Variants in GAK observed in about 807,000 individuals in gnomAD.
The protein encoded by GAK is cyclin G associated kinase, also known as cyclin-G-associated kinase.
GAK carries 79 observed loss-of-function variants against 143.9 expected under a neutral mutation model. That is an observed-to-expected ratio of 0.55 (90% confidence interval 0.46 to 0.66). GAK has a LOEUF of 0.66. GAK is among the 30% of genes least tolerant of loss of function. The probability of loss-of-function intolerance (pLI) is 0.00; values close to 1 mark genes in which losing one functional copy is unlikely to be tolerated. For synonymous variants in GAK, 881 were observed against 765.5 expected, an observed-to-expected ratio of 1.15 and a Z score of -2.49; for missense variants, 1,693 against 1,779.7, an observed-to-expected ratio of 0.95 and a Z score of 0.88.
intron 3 of GAK, chr4:912,489 A>C: frequency 2.2e-6 from 1 of 449,256 alleles, no homozygotes; most frequent in Non-Finnish European, 4.1e-6. Flanking sequence ...CCTCTTGGGT[A>C]GGAACAACTT....
At chr4:931,126 C>T (rs1013222292) in intron 1 of GAK, among the ~76,000 whole-genome samples, 9 of 152,228 alleles carry the variant, frequency 5.9e-5, no homozygotes, top group African/African-American at 1.7e-4. Context: ...AAGGAAAATC[C>T]ACAAGAGAGA....
intron 4 of GAK, among the ~76,000 whole-genome samples, chr4:909,626 A>T (rs1308588459): frequency 1.3e-5 from 2 of 151,196 alleles, no homozygotes; most frequent in Non-Finnish European, 3.0e-5. Flanking sequence ...CACAAACACC[A>T]GTGGCCATCA....
rs1719139679 is a variant in GAK at position 898,027 on chromosome 4, G to A, written c.651+6C>T. On this transcript the variant is annotated splice_donor_region_variant and intron_variant, in intron 6 of 27. Transcript: ENST00000314167. Reference sequence around the variant, plus strand: ...CTTCCCCCAGCATAGGCCCCACTCAGCTCACCTCTTCCTCCACCAGGGCTC... The same window carrying A: ...CTTCCCCCAGCATAGGCCCCACTCAACTCACCTCTTCCTCCACCAGGGCTC... The A allele has an allele frequency of 1.1e-5, 18 of 1,611,340 alleles. No homozygotes were observed. The East Asian group carries it at 1.3e-4, about 12-fold the overall frequency.
At chr4:883,290 C>A in intron 13 of GAK, 25 bp downstream of exon 13, 1 of 1,610,760 alleles carries the variant, frequency 6.2e-7, no homozygotes, top group South Asian at 1.1e-5. Flanking sequence ...AGAGTGGCAC[C>A]AAGACAAAGC....
intron 1 of GAK, among the ~76,000 whole-genome samples, chr4:919,300 G>A (rs1007301885): frequency 6.8e-6 from 1 of 147,166 alleles, no homozygotes; most frequent in African/African-American, 2.5e-5. Context: ...TAGAAAGACA[G>A]AAGGCTCCAA....
intron 15 of GAK, 32 bp from the exon 16 acceptor site, chr4:877,841 C>G: frequency 1.9e-6 from 3 of 1,538,880 alleles, no homozygotes; most frequent in Non-Finnish European, 2.6e-6. Flanking sequence ...CACCACGTGA[C>G]GTGCCCTGAG....
At position 870,001 on chromosome 4, in the gene GAK, C is replaced by T. The variant is rs374437501; in HGVS notation, c.2248+710G>A. On this transcript the variant is annotated intron_variant, in intron 19 of 27. Coordinates refer to ENST00000314167, the MANE Select transcript of GAK (RefSeq NM_005255.4). ...AGCACATACCGATGCATGGTACACA[C>T]GAACGCACACACAGCACACACAGAT... 3.2e-3 allele frequency: 482 copies of T among 149,732 alleles called. 12 individuals carry two copies. The South Asian group carries it at 0.063, about 19-fold the overall frequency. 9.3% of individuals were successfully genotyped at this position (149,732 alleles called of 1,614,324 possible).
chr4:920,539 A>ATTTTTT (rs34176109), intron 1 of GAK, among the ~76,000 whole-genome samples: 16 of 129,588 alleles, frequency 1.2e-4, no homozygotes, highest in South Asian at 7.4e-4. Context: ...GTTTAGAGCC[A>ATTTTTT]TTTTTTTTTT....
rs1750959581 is a variant in GAK, at chr4:865,235, G to A, written c.3053C>T (p.Pro1018Leu). The A allele has an allele frequency of 6.2e-7, 1 of 1,613,320 alleles. No individual in the cohort carries two copies. The highest frequency in any genetic ancestry group is 1.3e-5 in the African/African-American group (1 of 74,902). The change falls in exon 23 of 28, where the codon CCA (proline) becomes CTA (leucine). Residue 1018 changes from proline (P) to leucine (L), a missense_variant. Physicochemically the swap from Pro to Leu is moderately conservative, Grantham distance 98. Transcript: ENST00000314167. ...GGCTGTCATCTTGCTGGGCTCTCCT[G>A]GCAGATCCCCTGGGAAGAAGGAACC... ...SADFLHLGDL[P>L]GEPSKMTASS...
intron 24 of GAK, among the ~76,000 whole-genome samples, chr4:858,419 G>A (rs1184128105): frequency 6.6e-6 from 1 of 152,090 alleles, no homozygotes; most frequent in African/African-American, 2.4e-5. Flanking sequence ...GGATCCCTGG[G>A]AGTCCACTCC....
intron 20 of GAK, among the ~76,000 whole-genome samples, chr4:868,052 C>T (rs1751531166): frequency 6.6e-6 from 1 of 152,214 alleles, no homozygotes; most frequent in East Asian, 1.9e-4. Flanking sequence ...GGTGCTGGGA[C>T]AGGAAGTGGC....
chr4:910,088 G>C (rs1164833042), intron 4 of GAK, among the ~76,000 whole-genome samples: 1 of 152,196 alleles, frequency 6.6e-6, no homozygotes, highest in Non-Finnish European at 1.5e-5. Flanking sequence ...CCCAGGCAGA[G>C]AAGCATGGGC....
At chr4:856,601 G>C (rs779957638) in intron 24 of GAK, among the ~76,000 whole-genome samples, 5,645 of 98,610 alleles carry the variant, frequency 0.057, 163 homozygotes, top group East Asian at 0.11. Flanking sequence ...GGTGCTCACA[G>C]CTGCTCACCA....
chr4:890,916 T>C (rs1157340975), intron 9 of GAK, among the ~76,000 whole-genome samples: 1 of 152,058 alleles, frequency 6.6e-6, no homozygotes, highest in Non-Finnish European at 1.5e-5. Context: ...CCTTTTCCTT[T>C]TCTCTCTCTT....
intron 17 of GAK, 48 bp from the exon 18 acceptor site, chr4:876,657 T>G: frequency 6.4e-7 from 1 of 1,563,340 alleles, no homozygotes. Flanking sequence ...TGAATCCAGA[T>G]CCTGGGGCCA....
chr4:869,053 G>GCA (rs1711718283), intron 19 of GAK: 4 of 243,536 alleles, frequency 1.6e-5, no homozygotes, highest in African/African-American at 6.8e-5. Context: ...ACACACAAAT[G>GCA]CACACACACA....
chr4:866,162 G>T (rs1024134714), intron 22 of GAK, among the ~76,000 whole-genome samples: 2 of 152,254 alleles, frequency 1.3e-5, no homozygotes, highest in Admixed American at 6.5e-5. Context: ...GTTTGGGGAT[G>T]GTTTGGGGAG....
At chr4:849,830 C>CCGGGGGCGG in intron 27 of GAK, 56 bp from the exon 28 acceptor site, 1 of 1,172,348 alleles carries the variant, frequency 8.5e-7, no homozygotes, top group Non-Finnish European at 1.2e-6. Flanking sequence ...GCGGGCGGGG[C>CCGGGGGCGG]AGGACCCCCC....
chr4:867,024 A>G lies in GAK; in HGVS notation c.2804T>C (p.Leu935Pro). The G allele has an allele frequency of 6.7e-7, 1 of 1,502,416 alleles. No homozygotes were observed. The highest frequency in any genetic ancestry group is 8.9e-7 in the Non-Finnish European group (1 of 1,126,254). The allele number at this position is 1,502,416 out of a possible 1,614,324, so 93.1% of individuals were successfully genotyped here. The change falls in exon 21 of 28, where the codon CTG becomes CCG. Residue 935 changes from leucine (L) to proline (P), a missense_variant. Around this residue, in one of 2 missense-constraint regions of GAK, gnomAD observed 822 missense variants for 788.7 expected, o/e 1.04. Coordinates refer to ENST00000314167, the MANE Select transcript of GAK (RefSeq NM_005255.4). ...GGGAGGGGCCGGGCTTGCCAGGAGC[A>G]GCGGGTCCTCGCTGAGCAGATCCTC... is the stretch of plus-strand genomic sequence containing the variant. Reference protein sequence around the residue: ...PPEDLLSEDPLLLASPAPPLS... With the variant: ...PPEDLLSEDPPLLASPAPPLS...
Sources: gnomAD v4.1 joint callset for allele counts (sites outside exome capture counted in the v4.1 genomes callset) on GRCh38, gnomAD v4.1.1 for gene constraint, gnomAD v4.1.1 regional missense constraint, MANE v1.5 for transcripts, NCBI Gene and HGNC (gene_info 2026-07-23, HGNC 2026-07-21) for gene names.